GNAS: variants seen among roughly 807,000 people sequenced by gnomAD.
GNAS encodes the protein GNAS complex locus, also known as protein ALEX.
In GNAS, 8 loss-of-function variants were observed where a neutral mutation model predicts 54.5. The observed-to-expected ratio is 0.15, with a 90% confidence interval of 0.09 to 0.26. The LOEUF (loss-of-function observed/expected upper bound fraction) is 0.26. Ranked by LOEUF, GNAS falls within the 10% of genes least tolerant of loss-of-function variation. The probability of loss-of-function intolerance (pLI) is 1.00; values close to 1 mark genes in which losing one functional copy is unlikely to be tolerated. For missense variants in GNAS, 170 were observed against 529.8 expected (o/e 0.32, Z 6.67); for synonymous variants, 204 against 191.4 (o/e 1.07, Z -0.54).
At chr20:58,854,566 C>G in intron 1 of GNAS, 1 of 1,562,878 alleles carries the variant, frequency 6.4e-7, no homozygotes. Context: ...TCCGGGGCAG[C>G]CCCTGCCGCC....
At chr20:58,897,127 T>G (rs1356933364) in intron 2 of GNAS, among the ~76,000 whole-genome samples, 1 of 152,242 alleles carries the variant, frequency 6.6e-6, no homozygotes, top group Non-Finnish European at 1.5e-5. Context: ...CACAGGGGGC[T>G]TCTTCACTCA....
intron 1 of GNAS, among the ~76,000 whole-genome samples, chr20:58,862,056 A>G (rs1164114535): frequency 1.3e-5 from 2 of 152,040 alleles, no homozygotes; most frequent in Non-Finnish European, 2.9e-5. Context: ...AGCAGTTACA[A>G]TTTGAGAAAT....
Position 58,853,697 on chromosome 20 carries a change from C to T in GNAS, c.43+12811C>T, listed in dbSNP as rs772203764. On this transcript the variant is annotated intron_variant, in intron 1 of 12. Transcript: ENST00000306090. This position sits in a 1 kb window ranked among gnomAD's most constrained non-coding sequence, Gnocchi z 4.4. ...CAGCACTCATGGAGCCCGGAGCCTT[C>T]AGTGGTGCCAGACCAGGCCTGGGAG... 3.7e-5 allele frequency: 59 copies of T among 1,613,720 alleles called. No homozygotes were observed. In the Admixed American group the frequency reaches 9.3e-4, roughly 26 times the overall value.
At chr20:58,869,946 G>T (rs745358200) in intron 1 of GNAS, among the ~76,000 whole-genome samples, 2 of 152,150 alleles carry the variant, frequency 1.3e-5, no homozygotes, top group Admixed American at 1.3e-4. Context: ...TTGGTTCCAA[G>T]AACAGGTACC....
chr20:58,901,162 C>T (rs2090569170), intron 3 of GNAS, among the ~76,000 whole-genome samples: 1 of 152,146 alleles, frequency 6.6e-6, no homozygotes, highest in African/African-American at 2.4e-5. Flanking sequence ...GTGGAGCCTG[C>T]TTTTAATGAA....
intron 1 of GNAS, chr20:58,892,112 G>A: frequency 1.0e-6 from 1 of 969,760 alleles, no homozygotes; most frequent in Non-Finnish European, 1.2e-6. Context: ...CCCCCGGCCT[G>A]CCCGCTCAGT....
At chr20:58,895,737 A>G in intron 2 of GNAS, 53 bp downstream of exon 2, 1 of 1,041,096 alleles carries the variant, frequency 9.6e-7, no homozygotes, top group Non-Finnish European at 1.5e-6. Flanking sequence ...CAGACTTTAT[A>G]CTAACCTTTA....
chr20:58,851,982 A>G (rs866798543), intron 1 of GNAS, among the ~76,000 whole-genome samples: 20 of 151,740 alleles, frequency 1.3e-4, no homozygotes, highest in South Asian at 4.2e-4. Context: ...TCTCGAAACC[A>G]CCCTAAACCG....
At chr20:58,883,709 C>A (rs1448851347) in intron 1 of GNAS, among the ~76,000 whole-genome samples, 6 of 152,150 alleles carry the variant, frequency 3.9e-5, no homozygotes, top group African/African-American at 1.4e-4. Context: ...GCCCTGAGCT[C>A]CCCAGCAAAT....
Position 58,898,584 on chromosome 20 carries a change from T to C in GNAS, c.213-357T>C, listed in dbSNP as rs2090301402. 2.0e-5 allele frequency: 7 copies of C among 350,342 alleles called. No homozygotes were observed. The South Asian group carries it at 2.9e-4, about 14-fold the overall frequency. The allele number at this position is 350,342 out of a possible 1,614,324, so 21.7% of individuals were successfully genotyped here. ...GAATTAGGAGCCTTATGCGCTGCCA[T>C]ATTCTCCAAAGAATTGTGAGATAAA... On this transcript the variant is annotated intron_variant, in intron 2 of 12. Transcript: ENST00000371085.
chr20:58,904,771 CAATA>C (rs1286825833), intron 5 of GNAS, among the ~76,000 whole-genome samples: 1 of 151,936 alleles, frequency 6.6e-6, no homozygotes, highest in African/African-American at 2.4e-5. Flanking sequence ...GAAAAAAAAG[CAATA>C]AACACAATAT....
At chr20:58,848,791 C>G in intron 1 of GNAS, 2 of 398,030 alleles carry the variant, frequency 5.0e-6, no homozygotes, top group Non-Finnish European at 8.9e-6. Flanking sequence ...TTGCAGGTGC[C>G]ACAGGTGGGT....
chr20:58,909,933 C>T lies in GNAS; in HGVS notation c.840-18C>T, dbSNP rs766660575. 20 of 1,613,802 alleles carry T rather than the reference C, an allele frequency of 1.2e-5. No individual in the cohort carries two copies. The highest frequency in any genetic ancestry group is 2.2e-5 in the East Asian group (1 of 44,898). On this transcript the variant is annotated intron_variant, in intron 10 of 12. Coordinates refer to ENST00000371085, the MANE Select transcript of GNAS (RefSeq NM_000516.7). This position sits in a 1 kb window ranked among gnomAD's most constrained non-coding sequence, Gnocchi z 7.3. ...AGCGCGCTTCTCCCAAGCATTCACACGGCCTCCCTTCTTGTAGATGGCTGC... is the reference window on the plus strand; with the variant it reads ...AGCGCGCTTCTCCCAAGCATTCACATGGCCTCCCTTCTTGTAGATGGCTGC...
At position 58,856,298 on chromosome 20, in the gene GNAS, GA is replaced by G. The variant is rs2086504814; in HGVS notation, c.43+15415del. On this transcript the variant is annotated intron_variant, in intron 1 of 12. Transcript: ENST00000306090. The surrounding 1 kb of genome is among the most constrained non-coding windows in gnomAD (Gnocchi z 4.2). The stretch of plus-strand genomic sequence containing the variant: ...CCTGGTCGGGGGATGGGGGAAAGGG[GA>G]AACACAACCTGCTGTAGGCAAGTCC... The G allele has an allele frequency of 6.5e-6, 1 of 152,976 alleles. No individual in the cohort carries two copies. Among genetic ancestry groups the G allele is most frequent in the Admixed American group, 6.5e-5 (1 of 15,284 alleles). The allele number at this position is 152,976 out of a possible 1,614,324, so 9.5% of individuals were successfully genotyped here.
upstream of GNAS, chr20:58,888,937 G>C: frequency 3.7e-6 from 1 of 269,354 alleles, no homozygotes; most frequent in Non-Finnish European, 5.7e-6. Context: ...AGCGCCCACC[G>C]CCTTGGGCGC....
At chr20:58,899,669 A>ACATG in intron 3 of GNAS, among the ~76,000 whole-genome samples, 1 of 151,750 alleles carries the variant, frequency 6.6e-6, no homozygotes, top group East Asian at 1.9e-4. Context: ...ACACACGCAC[A>ACATG]CACATGCACA....
intron 1 of GNAS, among the ~76,000 whole-genome samples, chr20:58,866,703 A>G (rs1012699309): frequency 3.9e-5 from 6 of 152,276 alleles, no homozygotes; most frequent in South Asian, 2.1e-4. Context: ...CAAGTTTTCA[A>G]ATTGAAACAT....
intron 1 of GNAS, among the ~76,000 whole-genome samples, chr20:58,842,863 T>C (rs928482173): frequency 5.3e-5 from 8 of 152,240 alleles, no homozygotes; most frequent in African/African-American, 1.9e-4. Context: ...AGACTGGGTA[T>C]TCCGGGAGAC....
At chr20:58,840,442 G>A, upstream of GNAS, 2 of 1,613,518 alleles carry the variant, frequency 1.2e-6, no homozygotes, top group Non-Finnish European at 1.7e-6. This position sits in a 1 kb window ranked among gnomAD's most constrained non-coding sequence, Gnocchi z 6.0. Flanking sequence ...ACGAGACCGA[G>A]AGCGAGACCG....
Sources: allele counts gnomAD v4.1 joint callset (sites outside exome capture counted in the v4.1 genomes callset), GRCh38; gene constraint gnomAD v4.1.1; non-coding constraint Gnocchi (gnomAD v3.1); transcripts MANE v1.5; gene names NCBI Gene and HGNC (gene_info 2026-07-23, HGNC 2026-07-21).